Variants in BICD1 observed in about 807,000 individuals in gnomAD.
BICD1 encodes the protein BICD cargo adaptor 1.
BICD1 carries 35 observed loss-of-function variants against 92.5 expected under a neutral mutation model. The observed-to-expected ratio is 0.38, with a 90% CI of 0.29 to 0.50. The LOEUF (loss-of-function observed/expected upper bound fraction) is 0.50, where lower values mean the gene tolerates loss of function less well. Ranked by LOEUF, BICD1 falls within the 20% of genes least tolerant of loss-of-function variation. The pLI is 0.93. For synonymous variants in BICD1, 429 were observed against 465.1 expected (o/e 0.92, Z 1.00); for missense variants, 950 against 1,189.8 (o/e 0.80, Z 2.97).
intron 4 of BICD1, among the ~76,000 whole-genome samples, chr12:32,306,349 T>C (rs1302980536): frequency 6.6e-6 from 1 of 152,104 alleles, no homozygotes; most frequent in Non-Finnish European, 1.5e-5. Context: ...GTTCAAGTGA[T>C]TCTCCTGCCT....
At chr12:32,259,840 G>A (rs1406879219) in intron 2 of BICD1, among the ~76,000 whole-genome samples, 1 of 152,102 alleles carries the variant, frequency 6.6e-6, no homozygotes, top group East Asian at 1.9e-4. Flanking sequence ...CTGCAGAGTA[G>A]GCTTATAAGA....
intron 4 of BICD1, among the ~76,000 whole-genome samples, chr12:32,324,663 T>A (rs879599890): frequency 7.9e-5 from 12 of 151,936 alleles, no homozygotes; most frequent in Non-Finnish European, 1.2e-4. Context: ...GCAACCTCCA[T>A]CCCCCGGGTT....
At chr12:32,283,181 A>G (rs1288316646) in intron 2 of BICD1, among the ~76,000 whole-genome samples, 1 of 152,204 alleles carries the variant, frequency 6.6e-6, no homozygotes, top group Non-Finnish European at 1.5e-5. Context: ...AACTTGCTAT[A>G]CTGTGAACAT....
intron 8 of BICD1, among the ~76,000 whole-genome samples, chr12:32,342,675 A>G (rs1465136066): frequency 6.6e-6 from 1 of 152,166 alleles, no homozygotes; most frequent in African/African-American, 2.4e-5. Flanking sequence ...AATCAGTTTA[A>G]TTTGTTTTTA....
chr12:32,322,242 T>C (rs2136246781), intron 4 of BICD1, among the ~76,000 whole-genome samples: 1 of 152,222 alleles, frequency 6.6e-6, no homozygotes, highest in East Asian at 1.9e-4. Flanking sequence ...TACATATGTG[T>C]GTAATATATA....
chr12:32,210,855 A>G (rs1945194584), intron 1 of BICD1, among the ~76,000 whole-genome samples: 1 of 152,230 alleles, frequency 6.6e-6, no homozygotes, highest in Non-Finnish European at 1.5e-5. Flanking sequence ...ATTTCAGCCA[A>G]AGATGCAGCT....
Position 32,266,803 on chromosome 12 carries a change from A to T in BICD1, c.427-27191A>T, listed in dbSNP as rs542240763. Among the ~76,000 whole-genome samples the T allele has an allele frequency of 1.6e-3, 240 of 151,566 alleles. 1 individual carries two copies. The highest frequency in any genetic ancestry group is 2.2e-3 in the Non-Finnish European group (149 of 67,954). The stretch of plus-strand genomic sequence containing the variant: ...AACCCAGGAGATGGAGGTTGCAGTG[A>T]GCCAAGATCACGTCACCGCACTCTA... On this transcript the variant is annotated intron_variant, in intron 2 of 9. Coordinates refer to ENST00000652176, the MANE Select transcript of BICD1 (RefSeq NM_001714.4).
chr12:32,115,086 GC>G (rs1941842045), intron 1 of BICD1, among the ~76,000 whole-genome samples: 1 of 152,024 alleles, frequency 6.6e-6, no homozygotes, highest in Non-Finnish European at 1.5e-5. Flanking sequence ...TGAACTCCTG[GC>G]CTCAAGCGAT....
chr12:32,199,258 A>T (rs899119186), intron 1 of BICD1, among the ~76,000 whole-genome samples: 1 of 152,236 alleles, frequency 6.6e-6, no homozygotes, highest in South Asian at 2.1e-4. Context: ...TTCAAATAAG[A>T]GTTGCTTAAG....
At chr12:32,229,333 A>G (rs1592517305) in intron 2 of BICD1, among the ~76,000 whole-genome samples, 1 of 152,172 alleles carries the variant, frequency 6.6e-6, no homozygotes, top group Non-Finnish European at 1.5e-5. Context: ...GAAATCACCA[A>G]GGGCAGATAT....
intron 4 of BICD1, among the ~76,000 whole-genome samples, chr12:32,310,627 C>G (rs1435053974): frequency 2.6e-5 from 4 of 152,108 alleles, no homozygotes; most frequent in Non-Finnish European, 4.4e-5. Context: ...TACCGAATGA[C>G]TACGTGCAAG....
At chr12:32,352,776 A>C (rs989903531) in intron 8 of BICD1, 2 of 152,246 alleles carry the variant, frequency 1.3e-5, no homozygotes, top group Non-Finnish European at 2.9e-5. Context: ...CAGGAGGCTG[A>C]GATGGGAGGA....
At chr12:32,199,206 G>A (rs1944829448) in intron 1 of BICD1, among the ~76,000 whole-genome samples, 1 of 152,158 alleles carries the variant, frequency 6.6e-6, no homozygotes, top group African/African-American at 2.4e-5. Context: ...AATTATATAA[G>A]ACATCACTTA....
At chr12:32,349,878 G>A (rs983977408) in intron 8 of BICD1, among the ~76,000 whole-genome samples, 1 of 152,162 alleles carries the variant, frequency 6.6e-6, no homozygotes, top group Admixed American at 6.5e-5. Flanking sequence ...GTCAAAATGG[G>A]TGGGATTTGA....
At chr12:32,165,281 C>T (rs1170760235) in intron 1 of BICD1, among the ~76,000 whole-genome samples, 4 of 152,060 alleles carry the variant, frequency 2.6e-5, no homozygotes, top group African/African-American at 9.7e-5. Flanking sequence ...TTTGGGAGGC[C>T]GAGGCGGGCG....
chr12:32,298,198 GAA>G (rs750772718), intron 3 of BICD1, among the ~76,000 whole-genome samples: 1 of 145,386 alleles, frequency 6.9e-6, no homozygotes, highest in South Asian at 2.2e-4. Context: ...AAAAAAATGG[GAA>G]AAAAAAAAGC....
At chr12:32,137,647 T>A (rs1942777858) in intron 1 of BICD1, among the ~76,000 whole-genome samples, 1 of 152,196 alleles carries the variant, frequency 6.6e-6, no homozygotes, top group African/African-American at 2.4e-5. Context: ...TGTATCATAA[T>A]AATACTTAGT....
chr12:32,334,156 T>TA (rs745352124), intron 5 of BICD1, among the ~76,000 whole-genome samples: 4 of 152,182 alleles, frequency 2.6e-5, no homozygotes, highest in South Asian at 2.1e-4. Context: ...AAATAATTGG[T>TA]AAAAAAATTT....
At chr12:32,260,583 C>T (rs1222866842) in intron 2 of BICD1, among the ~76,000 whole-genome samples, 1 of 151,626 alleles carries the variant, frequency 6.6e-6, no homozygotes, top group East Asian at 1.9e-4. Context: ...GGAAACAGTG[C>T]TTACCATTAC....
Sources: gnomAD v4.1 joint callset for allele counts (sites outside exome capture counted in the v4.1 genomes callset) on GRCh38, gnomAD v4.1.1 for gene constraint, MANE v1.5 for transcripts, NCBI Gene and HGNC (gene_info 2026-07-23, HGNC 2026-07-21) for gene names.